The following PCSK5 variants were observed in gnomAD, a reference collection of about 807,000 sequenced individuals.
PCSK5 encodes prohormone convertase 5.
In PCSK5, 129 loss-of-function variants were observed where a neutral mutation model predicts 233.2. That is an observed-to-expected ratio of 0.55 (90% CI 0.48 to 0.64). The LOEUF (loss-of-function observed/expected upper bound fraction) is 0.64, where lower values mean the gene tolerates loss of function less well. Ranked by LOEUF, PCSK5 falls within the 30% of genes least tolerant of loss-of-function variation. The pLI, the probability that PCSK5 is intolerant of heterozygous loss-of-function variation, is 0.00. For synonymous variants in PCSK5, 825 were observed against 879.2 expected, an observed-to-expected ratio of 0.94 and a Z score of 1.09; for missense variants, 2,076 against 2,430.1, an observed-to-expected ratio of 0.85 and a Z score of 3.06.
chr9:75,967,240 T>C (rs7034828), intron 2 of PCSK5, among the ~76,000 whole-genome samples: 130,952 of 152,130 alleles, frequency 0.86, 56,754 homozygotes, highest in Non-Finnish European at 0.92. Context: ...TAGTGCCCAA[T>C]AGTTACTTTT....
At chr9:75,934,010 A>C (rs1045223130) in intron 2 of PCSK5, among the ~76,000 whole-genome samples, 1 of 152,198 alleles carries the variant, frequency 6.6e-6, no homozygotes, top group African/African-American at 2.4e-5. Context: ...GATTTACTGA[A>C]CATGGAGCTA....
At position 75,891,556 on chromosome 9, in the gene PCSK5, CA is replaced by C. The variant is rs1453502687; in HGVS notation, c.192+184del. Reference sequence around the variant, plus strand: ...GCACACACACACACACACACACACACACACACACCCCAGAGTTGCCGGGTCC... The same window carrying C: ...GCACACACACACACACACACACACACCACACACCCCAGAGTTGCCGGGTCC... On this transcript the variant is annotated intron_variant, in intron 1 of 37. Coordinates refer to ENST00000674117, the MANE Select transcript of PCSK5 (RefSeq NM_001372043.1). Among the ~76,000 whole-genome samples the C allele has an allele frequency of 1.1e-3, 163 of 152,070 alleles. 1 individual carries two copies. In the East Asian group the frequency reaches 0.018, roughly 17 times the overall value.
intron 2 of PCSK5, among the ~76,000 whole-genome samples, chr9:75,955,513 AT>A (rs1825056753): frequency 6.6e-6 from 1 of 152,168 alleles, no homozygotes; most frequent in Non-Finnish European, 1.5e-5. Flanking sequence ...AACATACTTA[AT>A]TGAGGCCGGG....
At chr9:76,215,661 C>T (rs538787516) in intron 20 of PCSK5, among the ~76,000 whole-genome samples, 1 of 152,220 alleles carries the variant, frequency 6.6e-6, no homozygotes, top group Non-Finnish European at 1.5e-5. Context: ...GTGGCTCATG[C>T]CTGTAATCCC....
At chr9:76,238,419 T>G (rs1400421513) in intron 22 of PCSK5, among the ~76,000 whole-genome samples, 1 of 152,224 alleles carries the variant, frequency 6.6e-6, no homozygotes, top group Non-Finnish European at 1.5e-5. Flanking sequence ...GGTCTAGTGC[T>G]TCAATAAGCT....
chr9:75,892,761 G>T (rs1021193418), intron 1 of PCSK5, among the ~76,000 whole-genome samples: 1 of 152,200 alleles, frequency 6.6e-6, no homozygotes, highest in Non-Finnish European at 1.5e-5. Flanking sequence ...GGGAGTGCGG[G>T]GAGTGTTCAG....
At chr9:76,200,757 C>T (rs1404341682) in intron 20 of PCSK5, among the ~76,000 whole-genome samples, 1 of 152,128 alleles carries the variant, frequency 6.6e-6, no homozygotes, top group Non-Finnish European at 1.5e-5. Flanking sequence ...CACTTGGAGG[C>T]CCAGGCAGGG....
At chr9:76,006,405 G>A (rs1827481186) in intron 3 of PCSK5, among the ~76,000 whole-genome samples, 2 of 151,912 alleles carry the variant, frequency 1.3e-5, no homozygotes, top group Non-Finnish European at 2.9e-5. Context: ...TTTGGCTATG[G>A]GGAAGGTTGT....
At chr9:75,900,279 A>G (rs35650604) in intron 1 of PCSK5, among the ~76,000 whole-genome samples, 16,200 of 152,240 alleles carry the variant, frequency 0.11, 1,040 homozygotes, top group Admixed American at 0.14. Context: ...GGGATATAAT[A>G]ACAAGAGTGA....
In PCSK5 at chr9:76,319,606, G is replaced by A. The variant is rs1018227469; in HGVS notation, c.3885-1816G>A. 1.3e-5 allele frequency among the ~76,000 whole-genome samples: 2 copies of A among 152,058 alleles called. 1 individual carries two copies. Among genetic ancestry groups the A allele is most frequent in the Non-Finnish European group, 2.9e-5 (2 of 68,006 alleles). Reference sequence around the variant, plus strand: ...AGCGGTAACGCCAGTGTCTGGGAAGGCACCCGTTACTTAGCAGACCGCGAA... The same window carrying A: ...AGCGGTAACGCCAGTGTCTGGGAAGACACCCGTTACTTAGCAGACCGCGAA... On this transcript the variant is annotated intron_variant, in intron 30 of 37. Transcript: ENST00000674117.
intron 1 of PCSK5, among the ~76,000 whole-genome samples, chr9:75,895,566 G>A (rs1825767569): frequency 6.6e-6 from 1 of 152,136 alleles, no homozygotes. Flanking sequence ...ATAGTTTTAT[G>A]TTAGATTCTA....
chr9:76,278,916 A>AT lies in PCSK5; in HGVS notation c.3143-13309dup, dbSNP rs555438545. 4.8e-3 allele frequency among the ~76,000 whole-genome samples: 737 copies of AT among 152,030 alleles called. 6 individuals are homozygous for AT. The highest frequency in any genetic ancestry group is 0.016 in the African/African-American group (676 of 41,482). On this transcript the variant is annotated intron_variant, in intron 24 of 37. Coordinates refer to ENST00000674117, the MANE Select transcript of PCSK5 (RefSeq NM_001372043.1). The stretch of plus-strand genomic sequence containing the variant: ...CTTTATTGTACATTGCACATGTTGC[A>AT]TTTTTTTTATTATACTTTAAGTTTT...
chr9:75,979,052 C>T (rs1826156379), intron 2 of PCSK5, among the ~76,000 whole-genome samples: 1 of 151,986 alleles, frequency 6.6e-6, no homozygotes, highest in African/African-American at 2.4e-5. Context: ...CGGGGTTTCT[C>T]CATGTTGGTC....
At chr9:76,168,892 C>A (rs1284526639) in intron 12 of PCSK5, among the ~76,000 whole-genome samples, 1 of 152,182 alleles carries the variant, frequency 6.6e-6, no homozygotes, top group Non-Finnish European at 1.5e-5. Context: ...CCCCTGGCAA[C>A]CACTGATCTG....
In PCSK5 at chr9:76,360,979, T is replaced by C. The variant is rs140805996; in HGVS notation, c.*2057T>C. 3.1e-3 allele frequency: 476 copies of C among 152,308 alleles called. 2 individuals carry two copies. Among genetic ancestry groups the C allele is most frequent in the African/African-American group, 0.011 (456 of 41,558 alleles). The allele number at this position is 152,308 out of a possible 1,614,324, so 9.4% of individuals were successfully genotyped here. On this transcript the variant is annotated 3_prime_UTR_variant, in exon 38 of 38. Coordinates refer to ENST00000674117, the MANE Select transcript of PCSK5 (RefSeq NM_001372043.1). ...CCAACAGGCTGTACTTTGCTGACTT[T>C]ATCTTTAAAACAGTTTTCAGAGATC...
intron 1 of PCSK5, among the ~76,000 whole-genome samples, chr9:75,911,903 A>G (rs997163416): frequency 6.6e-6 from 1 of 152,180 alleles, no homozygotes; most frequent in Non-Finnish European, 1.5e-5. Context: ...ACCAAGTCAT[A>G]TGACCAAGCC....
At chr9:76,069,962 C>T (rs959769308) in intron 6 of PCSK5, among the ~76,000 whole-genome samples, 1 of 151,358 alleles carries the variant, frequency 6.6e-6, no homozygotes, top group East Asian at 1.9e-4. Flanking sequence ...GTTTTTTACT[C>T]ACACCATGGA....
chr9:75,960,741 C>T (rs1825316581), intron 2 of PCSK5, among the ~76,000 whole-genome samples: 1 of 152,174 alleles, frequency 6.6e-6, no homozygotes, highest in African/African-American at 2.4e-5. Flanking sequence ...TAACATTCGA[C>T]AGCTGTTTCC....
chr9:76,243,102 T>G (rs191369705), intron 24 of PCSK5, among the ~76,000 whole-genome samples: 9 of 152,266 alleles, frequency 5.9e-5, no homozygotes, highest in Admixed American at 4.6e-4. Context: ...TCACTGGAAA[T>G]GGACTCCACA....
Sources: allele counts gnomAD v4.1 joint callset (sites outside exome capture counted in the v4.1 genomes callset), GRCh38; gene constraint gnomAD v4.1.1; transcripts MANE v1.5; gene names NCBI Gene and HGNC (gene_info 2026-07-23, HGNC 2026-07-21).